Variants in FHIT observed in about 807,000 individuals in gnomAD.
FHIT encodes the protein bis(5'-adenosyl)-triphosphatase.
In FHIT, 19 loss-of-function variants were observed where a neutral mutation model predicts 17.9. That is an observed-to-expected ratio of 1.06 (90% confidence interval 0.74 to 1.56). The LOEUF is 1.56. Among genes scored for constraint, FHIT ranks in the 40% most tolerant of loss-of-function variants. The pLI is 0.00. For synonymous variants in FHIT, 81 were observed against 69.7 expected (o/e 1.16, Z -0.81); for missense variants, 248 against 189.2 (o/e 1.31, Z -1.82).
At chr3:60,532,802 T>C (rs1459294961) in intron 5 of FHIT, among the ~76,000 whole-genome samples, 2 of 152,190 alleles carry the variant, frequency 1.3e-5, no homozygotes, top group African/African-American at 4.8e-5. Flanking sequence ...ACAGTTCTTT[T>C]TCTTTCTCTG....
chr3:59,831,986 T>C (rs1266470086), intron 8 of FHIT, among the ~76,000 whole-genome samples: 1 of 152,022 alleles, frequency 6.6e-6, no homozygotes, highest in African/African-American at 2.4e-5. Context: ...TGGTCCTACT[T>C]CCCCTAAGGA....
intron 5 of FHIT, among the ~76,000 whole-genome samples, chr3:60,463,438 G>A (rs1475514860): frequency 1.3e-5 from 2 of 152,082 alleles, no homozygotes; most frequent in Non-Finnish European, 2.9e-5. Flanking sequence ...ACTAACTGTG[G>A]GCAGAACTCT....
chr3:59,787,518 ACACACACACACG>A (rs1699361756), intron 8 of FHIT, among the ~76,000 whole-genome samples: 1 of 120,664 alleles, frequency 8.3e-6, no homozygotes, highest in Admixed American at 8.7e-5. Context: ...ACACACACAC[ACACACACACACG>A]TCAAAGGCTT....
intron 4 of FHIT, among the ~76,000 whole-genome samples, chr3:60,695,858 A>C (rs2041103013): frequency 6.6e-6 from 1 of 152,202 alleles, no homozygotes; most frequent in Non-Finnish European, 1.5e-5. Context: ...GGTTGTTGTG[A>C]GAATTAAAGA....
At chr3:61,211,889 G>T (rs1231273250) in intron 1 of FHIT, among the ~76,000 whole-genome samples, 1 of 152,202 alleles carries the variant, frequency 6.6e-6, no homozygotes, top group Non-Finnish European at 1.5e-5. Context: ...TGATACCCAG[G>T]CAAACAGAGT....
chr3:60,665,446 T>C (rs1185568437), intron 4 of FHIT, among the ~76,000 whole-genome samples: 1 of 152,028 alleles, frequency 6.6e-6, no homozygotes, highest in Non-Finnish European at 1.5e-5. Context: ...TTTGTGTATT[T>C]TGAGGCTCTG....
At chr3:60,912,762 T>G (rs11130795) in intron 3 of FHIT, 1 of 515,952 alleles carries the variant, frequency 1.9e-6, no homozygotes, top group South Asian at 1.4e-5. Flanking sequence ...TTCTCACAAT[T>G]TGCAGAAACT....
chr3:61,090,469 C>G (rs959847688), intron 2 of FHIT, among the ~76,000 whole-genome samples: 2 of 152,178 alleles, frequency 1.3e-5, no homozygotes, highest in African/African-American at 4.8e-5. Context: ...GAACGGATTT[C>G]TAGTCTCACA....
chr3:59,874,949 C>T (rs1331193138), intron 8 of FHIT, among the ~76,000 whole-genome samples: 3 of 152,212 alleles, frequency 2.0e-5, no homozygotes, highest in Admixed American at 2.0e-4. Flanking sequence ...AAGGGAAAAT[C>T]AAGAGTTTTT....
chr3:59,930,140 C>T (rs1705895760), intron 7 of FHIT, among the ~76,000 whole-genome samples: 1 of 152,282 alleles, frequency 6.6e-6, no homozygotes, highest in East Asian at 1.9e-4. Flanking sequence ...CATACACCAA[C>T]TTTTGTCCTC....
intron 2 of FHIT, among the ~76,000 whole-genome samples, chr3:61,198,349 A>G (rs934769706): frequency 6.6e-6 from 1 of 152,172 alleles, no homozygotes; most frequent in Admixed American, 6.5e-5. Context: ...TCCTTTAGCT[A>G]AAGAATCAAA....
chr3:60,448,122 T>C (rs1157466605), intron 5 of FHIT, among the ~76,000 whole-genome samples: 1 of 152,138 alleles, frequency 6.6e-6, no homozygotes, highest in African/African-American at 2.4e-5. Context: ...TGACCTCAAT[T>C]GCTCTCGGAT....
chr3:59,877,002 C>A (rs994532704), intron 8 of FHIT, among the ~76,000 whole-genome samples: 7 of 152,162 alleles, frequency 4.6e-5, no homozygotes, highest in African/African-American at 1.2e-4. Context: ...GAGAATCATT[C>A]TTTTCCAACT....
chr3:60,134,748 T>C (rs1699742330), intron 5 of FHIT, among the ~76,000 whole-genome samples: 1 of 152,178 alleles, frequency 6.6e-6, no homozygotes, highest in Non-Finnish European at 1.5e-5. Context: ...AGCTATCACT[T>C]ATTTCAAGTC....
chr3:61,040,373 C>T (rs2033449158), intron 3 of FHIT, among the ~76,000 whole-genome samples: 1 of 152,052 alleles, frequency 6.6e-6, no homozygotes, highest in African/African-American at 2.4e-5. Flanking sequence ...TTATTTTGCA[C>T]AAAGAGCAAT....
chr3:60,034,585 C>T (rs1028162136), intron 5 of FHIT, among the ~76,000 whole-genome samples: 1 of 152,158 alleles, frequency 6.6e-6, no homozygotes. Context: ...ATCCAGATTA[C>T]ACAAACTAAA....
intron 5 of FHIT, among the ~76,000 whole-genome samples, chr3:60,462,248 T>C (rs1257081337): frequency 6.6e-6 from 1 of 152,152 alleles, no homozygotes; most frequent in Non-Finnish European, 1.5e-5. Flanking sequence ...TATCAACTCA[T>C]TTACTCTCCA....
chr3:61,108,592 T>C (rs2036060962), intron 2 of FHIT, among the ~76,000 whole-genome samples: 1 of 152,248 alleles, frequency 6.6e-6, no homozygotes, highest in African/African-American at 2.4e-5. Flanking sequence ...CCTAGAGCAC[T>C]TGAGTTTTGT....
At chr3:60,969,154 T>C (rs983678297) in intron 3 of FHIT, among the ~76,000 whole-genome samples, 5 of 152,142 alleles carry the variant, frequency 3.3e-5, no homozygotes, top group African/African-American at 1.2e-4. Context: ...TAAATTTAAA[T>C]GGGCTCTTTT....
Sources: gnomAD v4.1 joint callset for allele counts (sites outside exome capture counted in the v4.1 genomes callset) on GRCh38, gnomAD v4.1.1 for gene constraint, MANE v1.5 for transcripts, NCBI Gene and HGNC (gene_info 2026-07-23, HGNC 2026-07-21) for gene names.